MAPK10: variants seen among roughly 807,000 people sequenced by gnomAD.
MAPK10 encodes mitogen-activated protein kinase 10.
MAPK10 carries 25 observed loss-of-function variants against 59.3 expected under a neutral mutation model. The ratio of observed to expected loss-of-function variants is 0.42; its 90% CI spans 0.31 to 0.59. The LOEUF is 0.59. MAPK10 is among the 20% of genes least tolerant of loss of function. MAPK10 has a pLI of 0.15. For missense variants in MAPK10, 351 were observed against 568.9 expected (o/e 0.62, Z 3.90); for synonymous variants, 190 against 200.5 (o/e 0.95, Z 0.44).
chr4:86,222,299 C>T (rs976250088), intron 2 of MAPK10, among the ~76,000 whole-genome samples: 1 of 152,194 alleles, frequency 6.6e-6, no homozygotes, highest in East Asian at 1.9e-4. Flanking sequence ...CAAATCCTCT[C>T]TTCTAAACTA....
At chr4:86,502,858 C>T (rs1468274119) in intron 1 of MAPK10, among the ~76,000 whole-genome samples, 1 of 152,070 alleles carries the variant, frequency 6.6e-6, no homozygotes, top group Non-Finnish European at 1.5e-5. Flanking sequence ...ACCACCAACA[C>T]CTCAAACTCA....
At chr4:86,076,327 G>A (rs1399978820) in intron 9 of MAPK10, among the ~76,000 whole-genome samples, 1 of 152,190 alleles carries the variant, frequency 6.6e-6, no homozygotes, top group Non-Finnish European at 1.5e-5. Flanking sequence ...CGGTACCTCA[G>A]ATGGAAATGC....
At chr4:86,511,113 A>G (rs1417900857) in intron 1 of MAPK10, among the ~76,000 whole-genome samples, 1 of 152,272 alleles carries the variant, frequency 6.6e-6, no homozygotes, top group African/African-American at 2.4e-5. Flanking sequence ...ATCATTACAC[A>G]TTGTATACAG....
chr4:86,233,818 GT>G (rs1258494209), intron 2 of MAPK10, among the ~76,000 whole-genome samples: 3 of 152,168 alleles, frequency 2.0e-5, no homozygotes, highest in Non-Finnish European at 4.4e-5. Flanking sequence ...GCCAATCTTT[GT>G]GGTAGTCATT....
intron 1 of MAPK10, among the ~76,000 whole-genome samples, chr4:86,504,202 T>A (rs1309144045): frequency 6.6e-6 from 1 of 152,146 alleles, no homozygotes; most frequent in South Asian, 2.1e-4. Flanking sequence ...TAGTTTCTTT[T>A]ACAACTATTT....
intron 2 of MAPK10, among the ~76,000 whole-genome samples, chr4:86,201,175 T>C (rs2082537657): frequency 6.6e-6 from 1 of 151,972 alleles, no homozygotes; most frequent in African/African-American, 2.4e-5. Context: ...AATGACAGGA[T>C]CTCATTCTCT....
At chr4:86,133,325 T>A (rs1342257102) in intron 4 of MAPK10, among the ~76,000 whole-genome samples, 1 of 152,258 alleles carries the variant, frequency 6.6e-6, no homozygotes, top group Non-Finnish European at 1.5e-5. Flanking sequence ...TTTTTAGATT[T>A]TATGATTCTG....
chr4:86,026,588 G>T (rs1314349379), intron 13 of MAPK10: 1 of 151,974 alleles, frequency 6.6e-6, no homozygotes, highest in African/African-American at 2.4e-5. Context: ...GCATAACATG[G>T]GTTTCGTATT....
intron 1 of MAPK10, among the ~76,000 whole-genome samples, chr4:86,498,321 C>T (rs1755044399): frequency 6.6e-6 from 1 of 152,210 alleles, no homozygotes; most frequent in Non-Finnish European, 1.5e-5. Context: ...ACAACTGAGC[C>T]ACATTCTTCA....
intron 1 of MAPK10, among the ~76,000 whole-genome samples, chr4:86,458,711 C>G (rs960529219): frequency 1.3e-5 from 2 of 152,194 alleles, no homozygotes; most frequent in East Asian, 3.9e-4. Flanking sequence ...AATTGGCAAG[C>G]CACATGTAAG....
intron 9 of MAPK10, among the ~76,000 whole-genome samples, chr4:86,074,929 G>C (rs2048925892): frequency 7.3e-6 from 1 of 137,756 alleles, no homozygotes; most frequent in Non-Finnish European, 1.6e-5. Flanking sequence ...TCCTGAATCT[G>C]AACGTTGGCC....
At chr4:86,218,513 G>C (rs1349184845) in intron 2 of MAPK10, among the ~76,000 whole-genome samples, 1 of 146,582 alleles carries the variant, frequency 6.8e-6, no homozygotes. Context: ...TTGTAAGGAT[G>C]GCCTTTCAAA....
At chr4:86,119,201 A>C (rs1288114656) in intron 4 of MAPK10, among the ~76,000 whole-genome samples, 2 of 152,264 alleles carry the variant, frequency 1.3e-5, no homozygotes, top group Non-Finnish European at 2.9e-5. Context: ...ATAACAAAGT[A>C]TAAAAGTAGG....
intron 2 of MAPK10, among the ~76,000 whole-genome samples, chr4:86,318,601 G>T (rs1474617155): frequency 6.6e-6 from 1 of 152,054 alleles, no homozygotes; most frequent in Non-Finnish European, 1.5e-5. Context: ...AAGAAGAGAT[G>T]ACAGAAAGGC....
At chr4:86,484,392 C>T (rs1010047660) in intron 1 of MAPK10, among the ~76,000 whole-genome samples, 11 of 151,934 alleles carry the variant, frequency 7.2e-5, no homozygotes, top group Non-Finnish European at 1.6e-4. Context: ...GGCAAGCTTT[C>T]GTAATGTTCT....
intron 9 of MAPK10, among the ~76,000 whole-genome samples, chr4:86,096,463 G>A (rs1369548985): frequency 3.3e-5 from 5 of 151,716 alleles, no homozygotes; most frequent in Non-Finnish European, 5.9e-5. Context: ...AAAGCAATCC[G>A]CATAAATGCC....
chr4:86,399,959 T>C lies in MAPK10; in HGVS notation c.-121-45315A>G, dbSNP rs1743479654. Among the ~76,000 whole-genome samples, 4 of 152,172 alleles carry C rather than the reference T, an allele frequency of 2.6e-5. No individual in the cohort carries two copies. In the South Asian group the frequency reaches 8.3e-4, roughly 32 times the overall value. On this transcript the variant is annotated intron_variant, in intron 1 of 13. Coordinates refer to the MAPK10 transcript ENST00000361569. ...ATCTACTTCCTATAGAAAAATTCCC[T>C]TACATGAGATATAAATTGGTATGGG... is the stretch of plus-strand genomic sequence containing the variant.
intron 1 of MAPK10, among the ~76,000 whole-genome samples, chr4:86,521,292 T>C (rs747797444): frequency 1.1e-4 from 17 of 152,182 alleles, no homozygotes; most frequent in Non-Finnish European, 2.4e-4. Context: ...GATATAATCT[T>C]ACCCTATGTT....
intron 3 of MAPK10, among the ~76,000 whole-genome samples, chr4:86,187,350 G>T (rs1272768274): frequency 6.6e-6 from 1 of 152,164 alleles, no homozygotes; most frequent in Non-Finnish European, 1.5e-5. Context: ...AACAGAGATG[G>T]TTGTTACGTA....
Sources: allele counts gnomAD v4.1 joint callset (sites outside exome capture counted in the v4.1 genomes callset), GRCh38; gene constraint gnomAD v4.1.1; transcripts MANE v1.5; gene names NCBI Gene and HGNC (gene_info 2026-07-23, HGNC 2026-07-21).